The following MCCC1 variants were observed in gnomAD, a reference collection of about 807,000 sequenced individuals.
MCCC1 encodes the protein methylcrotonyl-CoA carboxylase subunit 1, also known as methylcrotonoyl-CoA carboxylase subunit alpha, mitochondrial.
A neutral mutation model predicts 83.8 loss-of-function variants in MCCC1; 64 were observed. That is an observed-to-expected ratio of 0.76 (90% confidence interval 0.62 to 0.94). MCCC1 has a LOEUF of 0.94. Ranked by LOEUF, MCCC1 falls within the 40% of genes least tolerant of loss-of-function variation. The pLI, the probability that MCCC1 is intolerant of heterozygous loss-of-function variation, is 0.00. For synonymous variants in MCCC1, 322 were observed against 315.4 expected (o/e 1.02, Z -0.22); for missense variants, 807 against 904.7 (o/e 0.89, Z 1.39).
intron 4 of MCCC1, among the ~76,000 whole-genome samples, chr3:183,080,915 G>C (rs1717442614): frequency 6.6e-6 from 1 of 152,176 alleles, no homozygotes; most frequent in East Asian, 1.9e-4. Context: ...TCACTATCAT[G>C]AGAACAGCAC....
chr3:183,115,468 A>G (rs1400679322), intron 1 of MCCC1: 1 of 152,138 alleles, frequency 6.6e-6, no homozygotes, highest in African/African-American at 2.4e-5. Flanking sequence ...CCCCAGGAGT[A>G]CTCACCTGGG....
intron 7 of MCCC1, among the ~76,000 whole-genome samples, chr3:183,057,674 T>C (rs1312477181): frequency 6.6e-6 from 1 of 152,076 alleles, no homozygotes; most frequent in Non-Finnish European, 1.5e-5. Flanking sequence ...GCCCAGGAGT[T>C]CAAGATGAGC....
intron 2 of MCCC1, among the ~76,000 whole-genome samples, chr3:183,093,252 A>G (rs913968268): frequency 6.6e-6 from 1 of 152,216 alleles, no homozygotes; most frequent in Admixed American, 6.5e-5. Flanking sequence ...CTAAAGACTC[A>G]ACATCGACTT....
chr3:183,090,402 G>A (rs1229646439), intron 3 of MCCC1, among the ~76,000 whole-genome samples: 4 of 152,066 alleles, frequency 2.6e-5, no homozygotes, highest in Non-Finnish European at 5.9e-5. Flanking sequence ...TTTGCTTTAT[G>A]TTTTATTAAT....
chr3:183,032,971 A>G (rs1560214283), intron 14 of MCCC1, among the ~76,000 whole-genome samples: 1 of 152,172 alleles, frequency 6.6e-6, no homozygotes, highest in East Asian at 1.9e-4. Flanking sequence ...TTCTGTGATC[A>G]GCTGGTGAAA....
chr3:183,066,496 G>C (rs1232931897), intron 7 of MCCC1, among the ~76,000 whole-genome samples: 3 of 152,076 alleles, frequency 2.0e-5, no homozygotes, highest in Non-Finnish European at 2.9e-5. Flanking sequence ...TTACAGACAG[G>C]GTTTCACCAT....
At chr3:183,021,190 C>T (rs1256638718) in intron 16 of MCCC1, among the ~76,000 whole-genome samples, 4 of 152,264 alleles carry the variant, frequency 2.6e-5, no homozygotes, top group African/African-American at 7.2e-5. Context: ...CACATCATGT[C>T]GTGAATCATC....
At chr3:183,071,895 G>T (rs1276340201) in intron 5 of MCCC1, among the ~76,000 whole-genome samples, 1 of 148,650 alleles carries the variant, frequency 6.7e-6, no homozygotes, top group Non-Finnish European at 1.5e-5. Context: ...TTGAGATGGG[G>T]TCTTACTCTG....
At chr3:183,112,508 C>T (rs956558889) in intron 1 of MCCC1, among the ~76,000 whole-genome samples, 6 of 152,148 alleles carry the variant, frequency 3.9e-5, no homozygotes, top group Non-Finnish European at 7.4e-5. Flanking sequence ...GTTTAAAAAA[C>T]CTTTTATTAT....
At chr3:183,022,697 C>T in intron 15 of MCCC1, 143 bp from the exon 16 acceptor site, 1 of 750,206 alleles carries the variant, frequency 1.3e-6, no homozygotes, top group Non-Finnish European at 2.1e-6. Context: ...TTTAAAAAGT[C>T]ATGGAACTTT....
At chr3:183,104,098 G>A (rs1468744809), upstream of MCCC1, among the ~76,000 whole-genome samples, 10 of 152,148 alleles carry the variant, frequency 6.6e-5, no homozygotes, top group African/African-American at 2.2e-4. Context: ...CAAGCGCCGC[G>A]CGCAGCCCCG....
At chr3:183,032,833 C>CA (rs1412981620) in intron 14 of MCCC1, among the ~76,000 whole-genome samples, 3 of 150,142 alleles carry the variant, frequency 2.0e-5, no homozygotes, top group Non-Finnish European at 4.4e-5. Context: ...AAGATCGTGC[C>CA]ACTGCACTCC....
chr3:183,018,713 AAT>A (rs1396424363), intron 17 of MCCC1, among the ~76,000 whole-genome samples: 2 of 152,170 alleles, frequency 1.3e-5, no homozygotes, highest in African/African-American at 4.8e-5. Flanking sequence ...GGGAAGGACT[AAT>A]ATACTTAAAT....
chr3:183,019,096 A>G (rs992384936), intron 17 of MCCC1, among the ~76,000 whole-genome samples: 1 of 152,212 alleles, frequency 6.6e-6, no homozygotes, highest in African/African-American at 2.4e-5. Context: ...CTTGGGGTAA[A>G]TATTTCCAAA....
In MCCC1 at chr3:183,039,069, T is replaced by C. The variant is rs747169908; in HGVS notation, c.1334A>G (p.Gln445Arg). ...GTACCTCAGTTTTGTCAATGCCGCCTGGCGATCTGCTGCCCACACGACCAG... is the reference window on the plus strand; with the variant it reads ...GTACCTCAGTTTTGTCAATGCCGCCCGGCGATCTGCTGCCCACACGACCAG... ...AKLVVWAADRQAALTKLRYSL... is the reference protein window; with the variant it reads ...AKLVVWAADRRAALTKLRYSL... The change falls in exon 12 of 19, where the codon CAG becomes CGG. Residue 445 changes from glutamine (Q) to arginine (R), a missense_variant. Physicochemically the swap from Gln to Arg is conservative, Grantham distance 43. Coordinates refer to ENST00000265594, the MANE Select transcript of MCCC1 (RefSeq NM_020166.5). The C allele has an allele frequency of 2.5e-6, 4 of 1,614,230 alleles. No individual in the cohort carries two copies. Among genetic ancestry groups the C allele is most frequent in the Middle Eastern group, 1.6e-4 (1 of 6,062 alleles).
Position 183,092,498 on chromosome 3 carries a change from A to C in MCCC1, c.184T>G (p.Cys62Gly). The part of the protein sequence containing the change: ...VLIANRGEIA[C>G]RVMRTAKKLG... ...TTTTTGGCTGTGCGCATCACCCTGCAGGCAATTTCTCCTCTGTTTGCAATG... is the reference window on the plus strand; with the variant it reads ...TTTTTGGCTGTGCGCATCACCCTGCCGGCAATTTCTCCTCTGTTTGCAATG... The change falls in exon 3 of 19, where the codon TGC becomes GGC. Residue 62 changes from cysteine to glycine, a missense_variant. Cys to Gly is a radical substitution (Grantham distance 159, BLOSUM62 -3). Transcript: ENST00000265594. 1 of 1,614,210 alleles carries C rather than the reference A, an allele frequency of 6.2e-7. No individual in the cohort carries two copies. Among genetic ancestry groups the C allele is most frequent in the Non-Finnish European group, 8.5e-7 (1 of 1,180,046 alleles).
At chr3:183,088,596 A>G (rs570882010) in intron 3 of MCCC1, among the ~76,000 whole-genome samples, 1 of 152,026 alleles carries the variant, frequency 6.6e-6, no homozygotes, top group East Asian at 1.9e-4. Flanking sequence ...GCCCTTTGGT[A>G]CTCCCCCCAT....
chr3:183,113,753 T>A (rs920425064), intron 1 of MCCC1, among the ~76,000 whole-genome samples: 1 of 151,684 alleles, frequency 6.6e-6, no homozygotes, highest in Non-Finnish European at 1.5e-5. Context: ...AATAAACTGG[T>A]AAAAGTGTTT....
intron 3 of MCCC1, among the ~76,000 whole-genome samples, chr3:183,089,647 TA>T (rs1718170174): frequency 6.6e-6 from 1 of 151,628 alleles, no homozygotes; most frequent in African/African-American, 2.4e-5. Flanking sequence ...TGAGTTAAGT[TA>T]TAGGTGGGAG....
Sources: gnomAD v4.1 joint callset for allele counts (sites outside exome capture counted in the v4.1 genomes callset) on GRCh38, gnomAD v4.1.1 for gene constraint, MANE v1.5 for transcripts, NCBI Gene and HGNC (gene_info 2026-07-23, HGNC 2026-07-21) for gene names.